Variants in MDN1 observed in about 807,000 individuals in gnomAD.
MDN1 encodes the protein midasin AAA ATPase 1.
Under a neutral mutation model 669.2 loss-of-function variants are expected in MDN1, and 266 were observed. The ratio of observed to expected loss-of-function variants is 0.40; its 90% CI spans 0.36 to 0.44. The LOEUF (loss-of-function observed/expected upper bound fraction) is 0.44. MDN1 is among the 20% of genes least tolerant of loss of function. MDN1 has a pLI of 1.00. For synonymous variants in MDN1, 2,385 were observed against 2,457.1 expected, an observed-to-expected ratio of 0.97 and a Z score of 0.87; for missense variants, 5,940 against 6,754.0, an observed-to-expected ratio of 0.88 and a Z score of 4.22.
At chr6:89,806,851 C>T (rs1768058137) in intron 1 of MDN1, among the ~76,000 whole-genome samples, 1 of 151,918 alleles carries the variant, frequency 6.6e-6, no homozygotes, top group East Asian at 1.9e-4. Context: ...CCTAGGAGTT[C>T]GAGGCTGCAC....
At chr6:89,645,185 G>A (rs763596977) in intron 100 of MDN1, 28 bp from the exon 101 acceptor site, 76 of 1,561,378 alleles carry the variant, frequency 4.9e-5, no homozygotes, top group Non-Finnish European at 6.3e-5. Context: ...CGAAGCAAGG[G>A]AATAAAATGA....
chr6:89,817,474 G>T (rs1768918663), intron 1 of MDN1, among the ~76,000 whole-genome samples: 1 of 152,150 alleles, frequency 6.6e-6, no homozygotes, highest in Non-Finnish European at 1.5e-5. Context: ...TCAGTTAGTT[G>T]AAACAAAGAT....
Position 89,695,520 on chromosome 6 carries a change from C to G in MDN1, c.9771+85G>C. 3 of 1,489,076 alleles carry G rather than the reference C, an allele frequency of 2.0e-6. No individual in the cohort carries two copies. The highest frequency in any genetic ancestry group is 2.7e-6 in the Non-Finnish European group (3 of 1,108,120). 92.2% of individuals were successfully genotyped at this position (1,489,076 alleles called of 1,614,324 possible). On this transcript the variant is annotated intron_variant, in intron 61 of 101. Transcript: ENST00000369393. The surrounding 1 kb of genome is among the most constrained non-coding windows in gnomAD (Gnocchi z 4.1). ...TCATGCTTGTGATGATCTGAGCACC[C>G]AAAAGGGAATAAAAGGAGTAATACA...
In MDN1 at chr6:89,724,286, C is replaced by T. The variant is rs757280754; in HGVS notation, c.5671-667G>A. Among the ~76,000 whole-genome samples the T allele has an allele frequency of 8.2e-4, 124 of 152,022 alleles. 1 individual carries two copies. Among genetic ancestry groups the T allele is most frequent in the Middle Eastern group, 3.4e-3 (1 of 294 alleles). On this transcript the variant is annotated intron_variant, in intron 38 of 101. Coordinates refer to ENST00000369393, the MANE Select transcript of MDN1 (RefSeq NM_014611.3). The stretch of plus-strand genomic sequence containing the variant: ...ATGTTTGAAAGTTTTCTCAATAAAA[C>T]ATTCTTCTTTTTTTAAGATGGAGTC...
intron 52 of MDN1, among the ~76,000 whole-genome samples, chr6:89,706,947 CA>C (rs959128908): frequency 6.8e-5 from 10 of 146,678 alleles, no homozygotes; most frequent in Admixed American, 1.4e-4. Context: ...TTTCAATTAA[CA>C]AAAAAAAAAC....
intron 2 of MDN1, among the ~76,000 whole-genome samples, chr6:89,796,767 T>C (rs897011596): frequency 2.0e-4 from 30 of 152,154 alleles, no homozygotes; most frequent in African/African-American, 7.0e-4. Context: ...TGTTTGTTTT[T>C]AATTTTATAA....
chr6:89,708,126 AC>A (rs1219403017), intron 51 of MDN1, among the ~76,000 whole-genome samples: 2 of 151,968 alleles, frequency 1.3e-5, no homozygotes, highest in Non-Finnish European at 2.9e-5. Context: ...ACATGGCAAA[AC>A]CCTGTCTCTA....
Position 89,730,881 on chromosome 6 carries a change from T to A in MDN1, c.4985A>T (p.Lys1662Ile). 6.2e-7 allele frequency: 1 copy of A among 1,614,054 alleles called. No homozygotes were observed. Among genetic ancestry groups the A allele is most frequent in the South Asian group, 1.1e-5 (1 of 91,058 alleles). The part of the protein sequence containing the change: ...SGFGTALLAR[K>I]ECLKFLIKRL... ...CTTGATTAGAAATTTCAGACATTCT[T>A]TTCGTGCCAAAAGGGCTGTACCAAA... Residue 1662 changes from lysine (K) to isoleucine (I), a missense_variant, in exon 35 of 102, where the codon AAA becomes ATA. Lys to Ile is a moderately radical substitution (Grantham distance 102). Transcript: ENST00000369393.
In MDN1 at chr6:89,661,563, T is replaced by C; in HGVS notation, c.14581A>G (p.Asn4861Asp). Residue 4861 changes from asparagine (N) to aspartate (D), a missense_variant, in exon 88 of 102, where the codon AAT (asparagine) becomes GAT (aspartate). Coordinates refer to ENST00000369393, the MANE Select transcript of MDN1 (RefSeq NM_014611.3). ...TTGCCATGGTAAGGGTCCACCTCAT[T>C]TTCATCATAGTCCCTCTTTGGGACA... ...EQIDERDYDE[N>D]EVDPYHGNQE... 6.2e-7 allele frequency: 1 copy of C among 1,614,072 alleles called. No individual in the cohort carries two copies. Among genetic ancestry groups the C allele is most frequent in the Non-Finnish European group, 8.5e-7 (1 of 1,179,990 alleles).
intron 51 of MDN1, 75 bp downstream of exon 51, chr6:89,708,421 G>C: frequency 1.3e-6 from 2 of 1,548,194 alleles, no homozygotes; most frequent in Non-Finnish European, 8.8e-7. Context: ...TAAGCTATTT[G>C]ACAGATTCTT....
At chr6:89,689,568 A>C (rs1812242528) in intron 65 of MDN1, among the ~76,000 whole-genome samples, 1 of 152,222 alleles carries the variant, frequency 6.6e-6, no homozygotes, top group Admixed American at 6.5e-5. Flanking sequence ...AAAAAAACAC[A>C]TACACGTACA....
intron 99 of MDN1, among the ~76,000 whole-genome samples, chr6:89,646,998 G>T (rs1486395194): frequency 6.6e-6 from 1 of 152,114 alleles, no homozygotes; most frequent in Non-Finnish European, 1.5e-5. Flanking sequence ...TGTTGACAAG[G>T]CTGGTTTTGA....
chr6:89,765,131 G>T (rs529302151), intron 15 of MDN1, among the ~76,000 whole-genome samples: 39 of 151,972 alleles, frequency 2.6e-4, no homozygotes, highest in Non-Finnish European at 4.9e-4. Context: ...AGTGGCGGGC[G>T]CCTATAGTCC....
At chr6:89,753,666 G>T in intron 21 of MDN1, 44 bp from the exon 22 acceptor site, 2 of 1,428,700 alleles carry the variant, frequency 1.4e-6, no homozygotes, top group Non-Finnish European at 9.9e-7. Flanking sequence ...ATAACCTTCT[G>T]CAATACAACC....
In MDN1 at chr6:89,644,062, T is replaced by C. The variant is rs1050299864; in HGVS notation, c.16734A>G (p.Thr5578=). The stretch of plus-strand genomic sequence containing the variant: ...ACCACTGTCTGAGGGCATCGCTGAG[T>C]GTCTCAGGAAGTGCGTTTACATCTC... The part of the protein sequence containing the change: ...ILRDVNALPE[T]LSDALRQWFE... The change falls in exon 102 of 102, where the codon ACA becomes ACG. Residue 5578 remains threonine, a synonymous_variant. Coordinates refer to ENST00000369393, the MANE Select transcript of MDN1 (RefSeq NM_014611.3). 7.4e-6 allele frequency: 12 copies of C among 1,613,968 alleles called. 1 individual carries two copies. The highest frequency in any genetic ancestry group is 5.3e-5 in the African/African-American group (4 of 74,910).
chr6:89,728,414 G>A (rs1014670846), intron 36 of MDN1, among the ~76,000 whole-genome samples: 3 of 152,088 alleles, frequency 2.0e-5, no homozygotes, highest in African/African-American at 4.8e-5. Flanking sequence ...ATTCTCTCTC[G>A]AAAGAGAATT....
chr6:89,654,270 C>G lies in MDN1; in HGVS notation c.15555G>C (p.Glu5185Asp). The G allele has an allele frequency of 6.2e-7, 1 of 1,614,226 alleles. No homozygotes were observed. The highest frequency in any genetic ancestry group is 8.5e-7 in the Non-Finnish European group (1 of 1,180,052). Residue 5185 changes from glutamate to aspartate, a missense_variant, in exon 93 of 102, where the codon GAG becomes GAC. Physicochemically the swap from Glu to Asp is conservative, Grantham distance 45. Around this residue, in one of 5 missense-constraint regions of MDN1, gnomAD observed 2,280 missense variants for 2,576.3 expected, o/e 0.88. Transcript: ENST00000369393. ...KDSGKDQEEE[E>D]IEDTLMDTEE... ...CTGTGTCCATAAGGGTGTCCTCTAT[C>G]TCCTCCTCTTCCTGATCTTTGCCAG...
In MDN1 at chr6:89,699,688, T is replaced by G. The variant is rs541802800; in HGVS notation, c.8910A>C (p.Ile2970=). ...KNQQPQINEE[I]SHLISFCLYH... is the part of the protein sequence containing the mutation. ...AAAGACAAAATGAGATGAGGTGACT[T>G]ATCTCCTCATTTATCTGGGGTTGTT... The change falls in exon 58 of 102, where the codon ATA becomes ATC. Residue 2970 remains isoleucine, a synonymous_variant. Coordinates refer to ENST00000369393, the MANE Select transcript of MDN1 (RefSeq NM_014611.3). 2 of 1,613,650 alleles carry G rather than the reference T, an allele frequency of 1.2e-6. No homozygotes were observed. Among genetic ancestry groups the G allele is most frequent in the Admixed American group, 1.7e-5 (1 of 60,000 alleles).
At chr6:89,656,128 T>C (rs1809271782) in intron 91 of MDN1, among the ~76,000 whole-genome samples, 160 bp from the exon 92 acceptor site, 1 of 152,194 alleles carries the variant, frequency 6.6e-6, no homozygotes, top group Non-Finnish European at 1.5e-5. Flanking sequence ...GGACTCTATA[T>C]ACTTACATAG....
Sources: gnomAD v4.1 joint callset for allele counts (sites outside exome capture counted in the v4.1 genomes callset) on GRCh38, gnomAD v4.1.1 for gene constraint, gnomAD v4.1.1 regional missense constraint, Gnocchi (gnomAD v3.1) non-coding constraint, MANE v1.5 for transcripts, NCBI Gene and HGNC (gene_info 2026-07-23, HGNC 2026-07-21) for gene names.